PMM2: variants seen among roughly 807,000 people sequenced by gnomAD.
The protein encoded by PMM2 is mannose-6-phosphate isomerase.
A neutral mutation model predicts 33.2 loss-of-function variants in PMM2; 35 were observed. The observed-to-expected ratio is 1.06, with a 90% confidence interval of 0.81 to 1.40. The LOEUF (loss-of-function observed/expected upper bound fraction) is 1.40. Ranked by LOEUF, PMM2 falls within the 40% of genes most tolerant of loss-of-function variation. PMM2 has a pLI of 0.00. For missense variants in PMM2, 386 were observed against 306.0 expected, an observed-to-expected ratio of 1.26 and a Z score of -1.95; for synonymous variants, 153 against 114.7, an observed-to-expected ratio of 1.33 and a Z score of -2.13.
intron 2 of PMM2, among the ~76,000 whole-genome samples, chr16:8,803,846 G>A (rs1393684232): frequency 2.6e-5 from 4 of 151,236 alleles, no homozygotes; most frequent in Non-Finnish European, 5.9e-5. Flanking sequence ...AGCACGCCCG[G>A]CTAATTTTTG....
At chr16:8,835,821 A>G (rs1240482364) in intron 7 of PMM2, among the ~76,000 whole-genome samples, 2 of 152,046 alleles carry the variant, frequency 1.3e-5, no homozygotes, top group South Asian at 2.1e-4. Flanking sequence ...TAAGGGGTGC[A>G]TGATTGGTTG....
chr16:8,840,172 A>T (rs78743405), intron 7 of PMM2, among the ~76,000 whole-genome samples: 13,816 of 151,670 alleles, frequency 0.091, 861 homozygotes, highest in East Asian at 0.15. Context: ...TAAGGTTGAT[A>T]GTGTGGTGGA....
chr16:8,833,628 A>G (rs1461032170), intron 7 of PMM2, among the ~76,000 whole-genome samples: 6 of 151,546 alleles, frequency 4.0e-5, no homozygotes, highest in East Asian at 3.9e-4. Context: ...GGGAGAGATT[A>G]AGCTGAAGGG....
chr16:8,814,376 G>A (rs201809582), intron 7 of PMM2, among the ~76,000 whole-genome samples: 3 of 152,260 alleles, frequency 2.0e-5, no homozygotes, highest in Admixed American at 6.5e-5. Flanking sequence ...CAGCAGGCCC[G>A]TGTCAGGCTT....
At chr16:8,816,041 T>C (rs116352575) in intron 7 of PMM2, among the ~76,000 whole-genome samples, 570 of 152,032 alleles carry the variant, frequency 3.7e-3, no homozygotes, top group African/African-American at 0.013. Flanking sequence ...CCAGTGGGTA[T>C]ATAAAAAAAG....
intron 7 of PMM2, among the ~76,000 whole-genome samples, chr16:8,830,915 G>C (rs2060805740): frequency 6.6e-6 from 1 of 152,124 alleles, no homozygotes; most frequent in Admixed American, 6.5e-5. Context: ...GAGGCAGGCC[G>C]ATCACTTGAG....
chr16:8,825,893 C>T (rs4985043), intron 7 of PMM2, among the ~76,000 whole-genome samples: 36,123 of 151,382 alleles, frequency 0.24, 4,583 homozygotes, highest in South Asian at 0.34. Context: ...GTAGCTGGGA[C>T]TACAGGCGTG....
At chr16:8,807,812 TG>T (rs2060655728) in intron 4 of PMM2, 1 of 152,240 alleles carries the variant, frequency 6.6e-6, no homozygotes, top group Non-Finnish European at 1.5e-5. Flanking sequence ...ATGTTTGGTT[TG>T]GGGACCTACC....
At chr16:8,841,721 T>G (rs2060892013) in intron 7 of PMM2, among the ~76,000 whole-genome samples, 3 of 113,304 alleles carry the variant, frequency 2.6e-5, no homozygotes, top group Admixed American at 8.7e-5. Context: ...AAGAAGGAAA[T>G]ATGGGGAAAT....
At chr16:8,815,756 T>G (rs2060704528) in intron 7 of PMM2, among the ~76,000 whole-genome samples, 1 of 152,068 alleles carries the variant, frequency 6.6e-6, no homozygotes, top group South Asian at 2.1e-4. Context: ...AGCAATGATA[T>G]TTTAGATGTG....
intron 7 of PMM2, among the ~76,000 whole-genome samples, chr16:8,843,459 C>G (rs962578347): frequency 2.6e-5 from 4 of 152,078 alleles, no homozygotes; most frequent in Non-Finnish European, 5.9e-5. Context: ...CCAGTGGGGT[C>G]CCGCACAGAT....
At chr16:8,830,540 G>T (rs1162923436) in intron 7 of PMM2, among the ~76,000 whole-genome samples, 1 of 152,060 alleles carries the variant, frequency 6.6e-6, no homozygotes, top group Non-Finnish European at 1.5e-5. Flanking sequence ...AGTTTTTCTT[G>T]CTGTCTTCTG....
chr16:8,842,356 A>G (rs1332251775), intron 7 of PMM2: 3 of 152,372 alleles, frequency 2.0e-5, no homozygotes, highest in East Asian at 1.9e-4. Flanking sequence ...TACAAAGAAG[A>G]AGGTCATCAA....
At position 8,823,525 on chromosome 16, in the gene PMM2, CAT is replaced by C. The variant is rs1357292081; in HGVS notation, c.639+10421_639+10422del. ...GGACAAGTTTACTTGCAAAATAAGT[CAT>C]AGTCTTATTAAGCTTGGCCTGATTA... On this transcript the variant is annotated intron_variant, in intron 7 of 7. Transcript: ENST00000268261. 3.3e-5 allele frequency among the ~76,000 whole-genome samples: 5 copies of C among 152,058 alleles called. No homozygotes were observed. In the East Asian group the frequency reaches 5.8e-4, roughly 18 times the overall value.
intron 7 of PMM2, among the ~76,000 whole-genome samples, chr16:8,835,825 T>C (rs1002366800): frequency 1.3e-5 from 2 of 151,952 alleles, no homozygotes; most frequent in African/African-American, 4.8e-5. Flanking sequence ...GGGTGCATGA[T>C]TGGTTGCCAA....
At chr16:8,803,480 C>G (rs1267156853) in intron 2 of PMM2, among the ~76,000 whole-genome samples, 8 of 152,138 alleles carry the variant, frequency 5.3e-5, no homozygotes, top group African/African-American at 1.9e-4. Flanking sequence ...ATTCACAGGC[C>G]AAAAGACAGT....
chr16:8,838,563 C>A (rs1451283212), intron 7 of PMM2, among the ~76,000 whole-genome samples: 1 of 151,722 alleles, frequency 6.6e-6, no homozygotes, highest in African/African-American at 2.4e-5. Flanking sequence ...AGAGATTAAG[C>A]TGAAGGGAGG....
chr16:8,816,190 G>C (rs541635124), intron 7 of PMM2, among the ~76,000 whole-genome samples: 2 of 151,912 alleles, frequency 1.3e-5, no homozygotes, highest in Admixed American at 6.6e-5. Flanking sequence ...GCAGTGATGC[G>C]ATCTTGGCTC....
intron 7 of PMM2, among the ~76,000 whole-genome samples, chr16:8,838,178 T>TCAAA (rs1567168592): frequency 6.6e-6 from 1 of 152,034 alleles, no homozygotes; most frequent in African/African-American, 2.4e-5. Flanking sequence ...AAGTACATTC[T>TCAAA]CAAGAGTGGG....
Sources: gnomAD v4.1 joint callset for allele counts (sites outside exome capture counted in the v4.1 genomes callset) on GRCh38, gnomAD v4.1.1 for gene constraint, MANE v1.5 for transcripts, NCBI Gene and HGNC (gene_info 2026-07-23, HGNC 2026-07-21) for gene names.